The following ZDHHC2 variants were observed in gnomAD, a reference collection of about 807,000 sequenced individuals.
ZDHHC2 encodes palmitoyltransferase ZDHHC2.
A neutral mutation model predicts 55.6 loss-of-function variants in ZDHHC2; 51 were observed. That is an observed-to-expected ratio of 0.92 (90% CI 0.73 to 1.16). The LOEUF (loss-of-function observed/expected upper bound fraction) is 1.16, where lower values mean the gene tolerates loss of function less well. Among genes scored for constraint, ZDHHC2 ranks in the 50% most tolerant of loss-of-function variants. ZDHHC2 has a pLI of 0.00. For synonymous variants in ZDHHC2, 199 were observed against 152.9 expected (o/e 1.30, Z -2.22); for missense variants, 491 against 442.4 (o/e 1.11, Z -0.99).
chr8:17,189,907 CAATT>C (rs1407570280), intron 3 of ZDHHC2, among the ~76,000 whole-genome samples: 1 of 152,162 alleles, frequency 6.6e-6, no homozygotes, highest in African/African-American at 2.4e-5. Context: ...GAACATGAAA[CAATT>C]AAGGTATCTA....
Position 17,210,039 on chromosome 8 carries a change from T to C in ZDHHC2, c.838T>C (p.Leu280=). 1.2e-6 allele frequency: 2 copies of C among 1,603,118 alleles called. No individual in the cohort carries two copies. Among genetic ancestry groups the C allele is most frequent in the Non-Finnish European group, 1.7e-6 (2 of 1,174,244 alleles). Residue 280 remains leucine, a synonymous_variant, in exon 9 of 13, where the codon TTG becomes CTG. Transcript: ENST00000262096. ...QVFGDEKKYW[L]LPIFSSLGDG... ...TTTTGGTGATGAGAAGAAGTACTGG[T>C]TGCTACCCATTTTTTCAAGGTACTT...
chr8:17,208,442 A>G (rs1441573110), intron 8 of ZDHHC2, among the ~76,000 whole-genome samples: 1 of 152,068 alleles, frequency 6.6e-6, no homozygotes, highest in Non-Finnish European at 1.5e-5. Context: ...TGGCTGAAGC[A>G]TAGAAAGCTA....
chr8:17,177,654 A>G (rs1805211149), intron 1 of ZDHHC2, among the ~76,000 whole-genome samples: 1 of 152,188 alleles, frequency 6.6e-6, no homozygotes, highest in Non-Finnish European at 1.5e-5. Flanking sequence ...AATGTTTCTC[A>G]ATAAATGAGT....
At chr8:17,191,388 C>T (rs931449561) in intron 3 of ZDHHC2, among the ~76,000 whole-genome samples, 1 of 152,196 alleles carries the variant, frequency 6.6e-6, no homozygotes, top group Non-Finnish European at 1.5e-5. Context: ...TAAGCCACTG[C>T]GCCCAGCCTT....
At chr8:17,162,626 T>G (rs1233390503) in intron 1 of ZDHHC2, among the ~76,000 whole-genome samples, 1 of 152,152 alleles carries the variant, frequency 6.6e-6, no homozygotes, top group Non-Finnish European at 1.5e-5. Context: ...ACAGAAATGA[T>G]TTACAAGATA....
chr8:17,192,479 T>G (rs1365330336), intron 3 of ZDHHC2, among the ~76,000 whole-genome samples: 2 of 152,246 alleles, frequency 1.3e-5, no homozygotes, highest in Admixed American at 6.5e-5. Flanking sequence ...ATTAGATTTT[T>G]TTCCTATAGA....
intron 8 of ZDHHC2, among the ~76,000 whole-genome samples, chr8:17,209,378 C>T (rs747561903): frequency 1.3e-5 from 2 of 152,042 alleles, no homozygotes; most frequent in African/African-American, 2.4e-5. Context: ...ACCTGTTGCT[C>T]CAGGAGGGTG....
At chr8:17,198,318 T>C in intron 5 of ZDHHC2, 63 bp from the exon 6 acceptor site, 2 of 1,419,220 alleles carry the variant, frequency 1.4e-6, no homozygotes, top group African/African-American at 2.9e-5. Flanking sequence ...TTTATATTTT[T>C]ATAATTTAAT....
intron 6 of ZDHHC2, among the ~76,000 whole-genome samples, chr8:17,203,753 G>T (rs924525817): frequency 6.6e-6 from 1 of 151,744 alleles, no homozygotes; most frequent in African/African-American, 2.4e-5. Context: ...CTCTAGAGAT[G>T]CAGATGTAAC....
At chr8:17,173,666 A>G (rs1352284567) in intron 1 of ZDHHC2, among the ~76,000 whole-genome samples, 2 of 143,408 alleles carry the variant, frequency 1.4e-5, no homozygotes, top group African/African-American at 2.4e-5. Flanking sequence ...TGAGAGACGG[A>G]AAAAGACCCT....
chr8:17,199,503 TTCTTCTTCTTCGTCTTCG>T (rs1806536545), intron 6 of ZDHHC2, among the ~76,000 whole-genome samples: 2 of 63,248 alleles, frequency 3.2e-5, no homozygotes, highest in African/African-American at 4.7e-5. Flanking sequence ...CTTCTTCTTC[TTCTTCTTCTTCGTCTTCG>T]TCTTCGTCTT....
In ZDHHC2 at chr8:17,223,216, A is replaced by G. The variant is rs956146981; in HGVS notation, c.*2995A>G. 6.6e-6 allele frequency: 1 copy of G among 151,866 alleles called. No individual in the cohort carries two copies. The highest frequency in any genetic ancestry group is 2.4e-5 in the African/African-American group (1 of 41,436). The allele number at this position is 151,866 out of a possible 1,614,324, so 9.4% of individuals were successfully genotyped here. A position where few individuals can be genotyped will look rare whatever the true frequency, so the allele number is the denominator to read the frequency against. ...CATTTGGTATTTACTTATATGGTCA[A>G]ATACTTGTTTGTAAAAGTGATGGTT... On this transcript the variant is annotated 3_prime_UTR_variant, in exon 13 of 13. Coordinates refer to ENST00000262096, the MANE Select transcript of ZDHHC2 (RefSeq NM_016353.5).
chr8:17,176,056 A>G (rs1805111360), intron 1 of ZDHHC2, among the ~76,000 whole-genome samples: 1 of 152,154 alleles, frequency 6.6e-6, no homozygotes, highest in South Asian at 2.1e-4. Context: ...TGAAGTGAGG[A>G]GATTGGACTT....
chr8:17,190,053 A>T (rs1805938272), intron 3 of ZDHHC2, among the ~76,000 whole-genome samples: 1 of 152,166 alleles, frequency 6.6e-6, no homozygotes, highest in Non-Finnish European at 1.5e-5. Context: ...ACTTCAATTG[A>T]AGCATGGGGG....
chr8:17,205,987 CAT>C (rs1210743543), intron 7 of ZDHHC2, among the ~76,000 whole-genome samples: 1 of 152,200 alleles, frequency 6.6e-6, no homozygotes, highest in African/African-American at 2.4e-5. Flanking sequence ...CATCTGCAGA[CAT>C]GTGCAGAGTG....
chr8:17,190,153 T>A (rs1805944532), intron 3 of ZDHHC2, among the ~76,000 whole-genome samples: 1 of 151,844 alleles, frequency 6.6e-6, no homozygotes, highest in East Asian at 1.9e-4. Context: ...TATTAGCTGA[T>A]AAAATATATA....
intron 7 of ZDHHC2, among the ~76,000 whole-genome samples, chr8:17,206,725 A>G (rs1001228769): frequency 6.6e-6 from 1 of 152,234 alleles, no homozygotes; most frequent in Admixed American, 6.5e-5. Flanking sequence ...GATTTAAGAT[A>G]TCCACAGGTC....
intron 7 of ZDHHC2, 77 bp downstream of exon 7, chr8:17,205,852 C>G (rs1203125530): frequency 1.4e-6 from 2 of 1,384,616 alleles, no homozygotes; most frequent in Non-Finnish European, 9.7e-7. Flanking sequence ...AGAATTATTT[C>G]CGACACTGAC....
intron 1 of ZDHHC2, among the ~76,000 whole-genome samples, chr8:17,178,262 A>G (rs1019442493): frequency 7.9e-5 from 12 of 152,308 alleles, no homozygotes; most frequent in South Asian, 6.2e-4. Context: ...TAAATAATCA[A>G]TTGGTAAAAA....
Sources: gnomAD v4.1 joint callset for allele counts (sites outside exome capture counted in the v4.1 genomes callset) on GRCh38, gnomAD v4.1.1 for gene constraint, MANE v1.5 for transcripts, NCBI Gene and HGNC (gene_info 2026-07-23, HGNC 2026-07-21) for gene names.